Variants in SORCS2 observed in about 807,000 individuals in gnomAD.
The protein encoded by SORCS2 is VPS10 domain-containing receptor SorCS2.
Under a neutral mutation model 141.6 loss-of-function variants are expected in SORCS2, and 100 were observed. The ratio of observed to expected loss-of-function variants is 0.71; its 90% CI spans 0.60 to 0.83. The LOEUF (loss-of-function observed/expected upper bound fraction) is 0.83. Ranked by LOEUF, SORCS2 falls within the 40% of genes least tolerant of loss-of-function variation. The pLI, the probability that SORCS2 is intolerant of heterozygous loss-of-function variation, is 0.00. For synonymous variants in SORCS2, 789 were observed against 676.9 expected (o/e 1.17, Z -2.57); for missense variants, 1,646 against 1,560.2 (o/e 1.05, Z -0.93).
At position 7,714,322 on chromosome 4, in the gene SORCS2, C is replaced by T. The variant is rs776940620; in HGVS notation, c.2072C>T (p.Thr691Met). 8.8e-6 allele frequency: 14 copies of T among 1,586,852 alleles called. No individual in the cohort carries two copies. Among genetic ancestry groups the T allele is most frequent in the African/African-American group, 2.7e-5 (2 of 74,294 alleles). The stretch of plus-strand genomic sequence containing the variant: ...TGGTGCATCAAGGGGAGGAGCTTCA[C>T]GTCGGCGCTCACGTCCCGCGTGTGC... ...TSWCIKGRSF[T>M]SALTSRVCEC... Residue 691 changes from threonine (T) to methionine (M), a missense_variant, in exon 16 of 27, where the codon ACG (threonine) becomes ATG (methionine). Transcript: ENST00000507866.
Position 7,254,935 on chromosome 4 carries a change from C to T in SORCS2, c.480+61809C>T, listed in dbSNP as rs138986630. Among the ~76,000 whole-genome samples the T allele has an allele frequency of 5.8e-3, 880 of 152,082 alleles. 11 individuals carry two copies. Among genetic ancestry groups the T allele is most frequent in the African/African-American group, 0.02 (827 of 41,500 alleles). On this transcript the variant is annotated intron_variant, in intron 1 of 26. Transcript: ENST00000507866. ...TGTTCCCATGAGGTCCCAGGGCATC[C>T]GATGCTACATCTGCAGCCCAAGCAT...
intron 3 of SORCS2, among the ~76,000 whole-genome samples, chr4:7,594,758 C>A (rs1463320063): frequency 6.6e-6 from 1 of 152,044 alleles, no homozygotes; most frequent in Non-Finnish European, 1.5e-5. Context: ...TGGGTCTGGA[C>A]CACGCTTCCA....
At chr4:7,595,549 A>G (rs910622217) in intron 3 of SORCS2, among the ~76,000 whole-genome samples, 4 of 98,056 alleles carry the variant, frequency 4.1e-5, no homozygotes, top group African/African-American at 1.6e-4. Context: ...CGCACCAGCC[A>G]TCTCATTACC....
At chr4:7,505,409 A>G (rs549970277) in intron 2 of SORCS2, among the ~76,000 whole-genome samples, 24 of 151,822 alleles carry the variant, frequency 1.6e-4, no homozygotes, top group Non-Finnish European at 2.5e-4. Context: ...GTGCACAGAG[A>G]CACCTCAGTC....
intron 3 of SORCS2, among the ~76,000 whole-genome samples, chr4:7,554,455 T>C (rs1713956596): frequency 6.6e-6 from 1 of 152,184 alleles, no homozygotes; most frequent in African/African-American, 2.4e-5. Context: ...CTGACACTCA[T>C]TGGCCCTCCC....
At position 7,590,294 on chromosome 4, in the gene SORCS2, G is replaced by A. The variant is rs185665220; in HGVS notation, c.649-48034G>A. Among the ~76,000 whole-genome samples the A allele has an allele frequency of 1.2e-3, 188 of 152,350 alleles. 3 individuals are homozygous for A. Among genetic ancestry groups the A allele is most frequent in the African/African-American group, 4.4e-3 (183 of 41,574 alleles). ...TCCCTTCCTCTGGAAAGGGTTCAGGGTGTTTGATTACCGAATGAGTCATGC... is the reference window on the plus strand; with the variant it reads ...TCCCTTCCTCTGGAAAGGGTTCAGGATGTTTGATTACCGAATGAGTCATGC... On this transcript the variant is annotated intron_variant, in intron 3 of 26. Transcript: ENST00000507866.
At chr4:7,222,240 A>G (rs1000940313) in intron 1 of SORCS2, among the ~76,000 whole-genome samples, 1 of 152,224 alleles carries the variant, frequency 6.6e-6, no homozygotes. Flanking sequence ...GACAACCCAA[A>G]TGTCCAGCAA....
chr4:7,459,978 G>T (rs28636063), intron 2 of SORCS2: 17,734 of 154,720 alleles, frequency 0.11, 1,160 homozygotes, highest in South Asian at 0.26. Context: ...TGTCATCCAG[G>T]GCCACCCCTG....
intron 3 of SORCS2, among the ~76,000 whole-genome samples, chr4:7,539,969 C>T (rs1712463957): frequency 6.7e-6 from 1 of 149,932 alleles, no homozygotes; most frequent in African/African-American, 2.5e-5. Flanking sequence ...TGTGATGGCA[C>T]CGCCCCTTCC....
chr4:7,699,913 T>C (rs1724951657), intron 12 of SORCS2, among the ~76,000 whole-genome samples: 2 of 152,154 alleles, frequency 1.3e-5, no homozygotes, highest in African/African-American at 4.8e-5. Flanking sequence ...AACGAGCCCC[T>C]GCCCCTCTTG....
intron 24 of SORCS2, among the ~76,000 whole-genome samples, chr4:7,733,732 G>T (rs367690073): frequency 6.6e-6 from 1 of 152,240 alleles, no homozygotes; most frequent in Non-Finnish European, 1.5e-5. Flanking sequence ...AAAAGCCTTT[G>T]CAGAAGCCGA....
intron 3 of SORCS2, among the ~76,000 whole-genome samples, chr4:7,575,767 A>C (rs1715710421): frequency 6.6e-6 from 1 of 152,162 alleles, no homozygotes; most frequent in African/African-American, 2.4e-5. Context: ...ACGCATCAGG[A>C]TCAGAGAGGT....
chr4:7,726,687 A>G (rs892200583), intron 20 of SORCS2, 93 bp from the exon 21 acceptor site: 4 of 1,503,134 alleles, frequency 2.7e-6, no homozygotes, highest in East Asian at 4.6e-5. Context: ...AGGGGACAGC[A>G]ATGCTCTCAG....
At chr4:7,321,653 C>T (rs1300398263) in intron 1 of SORCS2, among the ~76,000 whole-genome samples, 1 of 152,166 alleles carries the variant, frequency 6.6e-6, no homozygotes, top group East Asian at 1.9e-4. Flanking sequence ...GGGCACAAGA[C>T]CAGGTGGGCT....
At chr4:7,727,213 C>G (rs557957407) in intron 21 of SORCS2, among the ~76,000 whole-genome samples, 1 of 150,766 alleles carries the variant, frequency 6.6e-6, no homozygotes, top group African/African-American at 2.4e-5. Context: ...GGTTTGGGCA[C>G]TGGCTGTGCC....
At chr4:7,396,467 A>C (rs9991834) in intron 2 of SORCS2, 112 bp downstream of exon 2, 1 of 1,083,132 alleles carries the variant, frequency 9.2e-7, no homozygotes, top group East Asian at 2.5e-5. Flanking sequence ...CCTGTGAGTC[A>C]GTGGCCTCGC....
chr4:7,491,937 A>C lies in SORCS2; in HGVS notation c.549-39593A>C, dbSNP rs528691918. On this transcript the variant is annotated intron_variant, in intron 2 of 26. Coordinates refer to ENST00000507866, the MANE Select transcript of SORCS2 (RefSeq NM_020777.3). The stretch of plus-strand genomic sequence containing the variant: ...TGGAGCAAGCCCAGTGCAGTGCCTG[A>C]GCACCATGAATGTTGGCCACCACCC... 2.0e-4 allele frequency among the ~76,000 whole-genome samples: 31 copies of C among 152,298 alleles called. 1 individual carries two copies. The South Asian group carries it at 2.3e-3, about 11-fold the overall frequency.
At chr4:7,285,158 G>A (rs1485882146) in intron 1 of SORCS2, among the ~76,000 whole-genome samples, 1 of 151,728 alleles carries the variant, frequency 6.6e-6, no homozygotes, top group African/African-American at 2.4e-5. Flanking sequence ...TCAGCCTCCC[G>A]AGGAGCTGGA....
intron 1 of SORCS2, among the ~76,000 whole-genome samples, chr4:7,331,079 C>T (rs1409653603): frequency 1.3e-5 from 2 of 148,978 alleles, no homozygotes; most frequent in South Asian, 2.1e-4. Flanking sequence ...GCTTGGTGTG[C>T]TCCAGGGCCA....
Sources: allele counts gnomAD v4.1 joint callset (sites outside exome capture counted in the v4.1 genomes callset), GRCh38; gene constraint gnomAD v4.1.1; transcripts MANE v1.5; gene names NCBI Gene and HGNC (gene_info 2026-07-23, HGNC 2026-07-21).